CRYBG1: variants seen among roughly 807,000 people sequenced by gnomAD.
CRYBG1 encodes the protein crystallin beta-gamma domain containing 1.
CRYBG1 carries 139 observed loss-of-function variants against 189.2 expected under a neutral mutation model. The ratio of observed to expected loss-of-function variants is 0.73; its 90% CI spans 0.64 to 0.85. CRYBG1 has a LOEUF of 0.85. Ranked by LOEUF, CRYBG1 falls within the 40% of genes least tolerant of loss-of-function variation. The pLI is 0.00. For synonymous variants in CRYBG1, 1,023 were observed against 1,017.1 expected (o/e 1.01, Z -0.11); for missense variants, 2,611 against 2,675.8 (o/e 0.98, Z 0.53).
intron 16 of CRYBG1, among the ~76,000 whole-genome samples, chr6:106,555,068 G>A (rs1774500477): frequency 6.6e-6 from 1 of 151,970 alleles, no homozygotes. Context: ...AGGAGGATGA[G>A]GCAGAAGAAT....
chr6:106,535,998 A>C (rs1773995603), intron 8 of CRYBG1, among the ~76,000 whole-genome samples: 1 of 1,088 alleles, frequency 9.2e-4, no homozygotes, highest in African/African-American at 4.9e-3. Context: ...GTTAGCCAGG[A>C]TGGTCTCGAT....
rs562272281 is a variant in CRYBG1 at position 106,491,966 on chromosome 6, T to C, written c.313-19464T>C. On this transcript the variant is annotated intron_variant, in intron 2 of 21. Coordinates refer to ENST00000633556, the MANE Select transcript of CRYBG1 (RefSeq NM_001371242.2). ...ATAACTCCAGTTCGACCCCTGTGCC[T>C]GGTGTCATTTGGTTGCCTTTCCTCA... Among the ~76,000 whole-genome samples the C allele has an allele frequency of 5.3e-5, 8 of 152,302 alleles. No homozygotes were observed. In the South Asian group the frequency reaches 1.7e-3, roughly 32 times the overall value.
At chr6:106,480,966 G>A (rs1772437829) in intron 2 of CRYBG1, among the ~76,000 whole-genome samples, 1 of 51,448 alleles carries the variant, frequency 1.9e-5, no homozygotes, top group African/African-American at 9.5e-5. Flanking sequence ...GTGAGACTCT[G>A]TCTTTTTTTT....
intron 1 of CRYBG1, among the ~76,000 whole-genome samples, chr6:106,413,084 A>G (rs1302747166): frequency 6.6e-6 from 1 of 152,184 alleles, no homozygotes; most frequent in East Asian, 1.9e-4. Context: ...ATTCTCAGGT[A>G]ACCCTGCTCC....
intron 8 of CRYBG1, 147 bp from the exon 9 acceptor site, chr6:106,539,256 G>A (rs751211302): frequency 2.4e-5 from 21 of 857,686 alleles, no homozygotes; most frequent in African/African-American, 3.5e-5. Flanking sequence ...AGTCTAGTGT[G>A]ATTCTAACAC....
In CRYBG1 at chr6:106,512,456, G is replaced by T; in HGVS notation, c.1339G>T (p.Val447Leu). 1 of 1,611,004 alleles carries T rather than the reference G, an allele frequency of 6.2e-7. No individual in the cohort carries two copies. Among genetic ancestry groups the T allele is most frequent in the Non-Finnish European group, 8.5e-7 (1 of 1,179,048 alleles). ...TGAGAGCGCTGCCAGGGACGACGCG[G>T]TGTTCGACGACGAGGTGGCGCCAAA... is the stretch of plus-strand genomic sequence containing the variant. ...LPESAARDDA[V>L]FDDEVAPNAA... is the part of the protein sequence containing the mutation. Residue 447 changes from valine to leucine, a missense_variant, in exon 3 of 22, where the codon GTG (valine) becomes TTG (leucine). Transcript: ENST00000633556.
chr6:106,520,862 A>T lies in CRYBG1; in HGVS notation c.3654A>T (p.Glu1218Asp). 3.7e-6 allele frequency: 6 copies of T among 1,614,214 alleles called. No homozygotes were observed. The highest frequency in any genetic ancestry group is 5.1e-6 in the Non-Finnish European group (6 of 1,180,032). ...ACAGTGAGCCTCTGGTGATGCCGGAAATCAATGACAAAGAGAACAGGGACG... is the reference window on the plus strand; with the variant it reads ...ACAGTGAGCCTCTGGTGATGCCGGATATCAATGACAAAGAGAACAGGGACG... ...NGNSEPLVMP[E>D]INDKENRDVT... Residue 1218 changes from glutamate (E) to aspartate (D), a missense_variant, in exon 4 of 22, where the codon GAA becomes GAT. Physicochemically the swap from Glu to Asp is conservative, Grantham distance 45. Coordinates refer to ENST00000633556, the MANE Select transcript of CRYBG1 (RefSeq NM_001371242.2).
intron 2 of CRYBG1, among the ~76,000 whole-genome samples, chr6:106,505,103 T>C (rs1314282977): frequency 6.6e-6 from 1 of 150,510 alleles, no homozygotes; most frequent in African/African-American, 2.4e-5. Context: ...TGGCTAACTT[T>C]TTTTTTTTTT....
At chr6:106,410,771 A>C (rs1206142338) in intron 1 of CRYBG1, among the ~76,000 whole-genome samples, 2 of 152,230 alleles carry the variant, frequency 1.3e-5, no homozygotes, top group Non-Finnish European at 2.9e-5. Context: ...ACAGAAAACC[A>C]AACACGCATA....
chr6:106,515,571 G>T (rs984927267), intron 3 of CRYBG1, among the ~76,000 whole-genome samples: 2 of 151,996 alleles, frequency 1.3e-5, no homozygotes, highest in Admixed American at 1.3e-4. Context: ...CTCATTAACT[G>T]ATAGCAAATT....
chr6:106,497,986 A>G (rs1772892825), intron 2 of CRYBG1, among the ~76,000 whole-genome samples: 1 of 152,110 alleles, frequency 6.6e-6, no homozygotes, highest in Non-Finnish European at 1.5e-5. Context: ...CTGTAGTCCC[A>G]GCTGCTTAGG....
In CRYBG1 at chr6:106,455,638, A is replaced by C. The variant is rs547691048; in HGVS notation, c.312+3806A>C. 1.2e-4 allele frequency among the ~76,000 whole-genome samples: 19 copies of C among 152,304 alleles called. No individual in the cohort carries two copies. In the South Asian group the frequency reaches 3.9e-3, roughly 32 times the overall value. ...CCTTGAATTCTAATCACTTATTTTC[A>C]TCTAGAAATTATATGTGACTATAGT... On this transcript the variant is annotated intron_variant, in intron 2 of 21. Coordinates refer to ENST00000633556, the MANE Select transcript of CRYBG1 (RefSeq NM_001371242.2).
chr6:106,466,607 TG>T (rs1264417221), intron 2 of CRYBG1, among the ~76,000 whole-genome samples: 6 of 152,212 alleles, frequency 3.9e-5, no homozygotes, highest in African/African-American at 1.2e-4. Context: ...CCTTTAGAAA[TG>T]AAAAATAAAC....
chr6:106,441,888 T>A (rs1212614093), intron 1 of CRYBG1, among the ~76,000 whole-genome samples: 1 of 152,168 alleles, frequency 6.6e-6, no homozygotes, highest in Non-Finnish European at 1.5e-5. Context: ...CTAAAAAATA[T>A]AAGGAAATCT....
chr6:106,431,998 T>TA (rs756766158), intron 1 of CRYBG1, among the ~76,000 whole-genome samples: 35 of 152,216 alleles, frequency 2.3e-4, no homozygotes, highest in Non-Finnish European at 4.0e-4. Flanking sequence ...TGCTTGTGGG[T>TA]AGGACCCTGT....
At position 106,520,351 on chromosome 6, in the gene CRYBG1, GAACACCCC is replaced by G; in HGVS notation, c.3144_3151del (p.Arg1048SerfsTer4). ...ATTCAGGCTCAAAGTCAGGGCAGCA[GAACACCCC>G]TGATGGCTGAATCCAGTCCCACCAA... is the stretch of plus-strand genomic sequence containing the variant. On this transcript the variant is annotated frameshift_variant, in exon 4 of 22. Coordinates refer to ENST00000633556, the MANE Select transcript of CRYBG1 (RefSeq NM_001371242.2). LOFTEE classifies it high-confidence loss of function. 6.2e-7 allele frequency: 1 copy of G among 1,614,138 alleles called. No homozygotes were observed. Among genetic ancestry groups the G allele is most frequent in the Non-Finnish European group, 8.5e-7 (1 of 1,180,040 alleles).
intron 1 of CRYBG1, among the ~76,000 whole-genome samples, chr6:106,445,430 T>A (rs1408209624): frequency 6.6e-6 from 1 of 152,230 alleles, no homozygotes; most frequent in Non-Finnish European, 1.5e-5. Flanking sequence ...GTTGGGTCAC[T>A]AGATTATCTC....
chr6:106,437,433 TTTC>T (rs71549464), intron 1 of CRYBG1, among the ~76,000 whole-genome samples: 41,083 of 151,800 alleles, frequency 0.27, 6,620 homozygotes, highest in Non-Finnish European at 0.36. Context: ...TTCTTTTCTT[TTTC>T]TTCTTCTTTT....
chr6:106,525,913 TA>T (rs761382472), intron 6 of CRYBG1, among the ~76,000 whole-genome samples: 61 of 152,232 alleles, frequency 4.0e-4, no homozygotes, highest in Non-Finnish European at 8.1e-4. Context: ...AGCACTAACT[TA>T]AAATTTAATT....
Sources: allele counts gnomAD v4.1 joint callset (sites outside exome capture counted in the v4.1 genomes callset), GRCh38; gene constraint gnomAD v4.1.1; transcripts MANE v1.5; gene names NCBI Gene and HGNC (gene_info 2026-07-23, HGNC 2026-07-21).